LRR1: variants seen among roughly 807,000 people sequenced by gnomAD.
LRR1 encodes leucine-rich repeat protein 1.
In LRR1, 29 loss-of-function variants were observed where a neutral mutation model predicts 31.6. The ratio of observed to expected loss-of-function variants is 0.92; its 90% CI spans 0.68 to 1.25. LRR1 has a LOEUF of 1.25. Ranked by LOEUF, LRR1 falls within the 50% of genes most tolerant of loss-of-function variation. LRR1 has a pLI of 0.00. For missense variants in LRR1, 485 were observed against 487.2 expected, an observed-to-expected ratio of 1.00 and a Z score of 0.04; for synonymous variants, 179 against 181.4, an observed-to-expected ratio of 0.99 and a Z score of 0.10.
intron 3 of LRR1, among the ~76,000 whole-genome samples, chr14:49,609,744 C>T (rs749562261): frequency 6.6e-6 from 1 of 151,228 alleles, no homozygotes; most frequent in Non-Finnish European, 1.5e-5. Context: ...CTTGTTCTGT[C>T]GCCCAGGTTG....
chr14:49,608,522 A>C (rs1185824417), intron 3 of LRR1, among the ~76,000 whole-genome samples: 4 of 146,900 alleles, frequency 2.7e-5, no homozygotes, highest in Non-Finnish European at 5.9e-5. Context: ...TCCCCACTAG[A>C]ATGTAAGATC....
At chr14:49,609,139 G>A (rs541650581) in intron 3 of LRR1, among the ~76,000 whole-genome samples, 1 of 148,028 alleles carries the variant, frequency 6.8e-6, no homozygotes, top group African/African-American at 2.5e-5. Flanking sequence ...GGATGGTCTC[G>A]ATCTCCTGAC....
intron 3 of LRR1, among the ~76,000 whole-genome samples, chr14:49,608,936 TCTCA>T (rs913656419): frequency 7.7e-6 from 1 of 130,544 alleles, no homozygotes; most frequent in African/African-American, 2.9e-5. Flanking sequence ...TGAGATGGAG[TCTCA>T]CTCTGTCGCC....
At chr14:49,613,064 G>C (rs917187016) in intron 3 of LRR1, among the ~76,000 whole-genome samples, 1 of 152,144 alleles carries the variant, frequency 6.6e-6, no homozygotes, top group African/African-American at 2.4e-5. Context: ...GCCAGGCCAG[G>C]CGTGGTGGCT....
intron 2 of LRR1, 43 bp from the exon 3 acceptor site, chr14:49,607,357 A>C (rs756958465): frequency 6.7e-7 from 1 of 1,500,634 alleles, no homozygotes; most frequent in South Asian, 1.4e-5. Context: ...TGTATGTATT[A>C]TCTCCAGTGG....
chr14:49,613,292 T>C (rs1172351830), intron 3 of LRR1, among the ~76,000 whole-genome samples: 1 of 150,640 alleles, frequency 6.6e-6, no homozygotes, highest in East Asian at 2.0e-4. Flanking sequence ...TGAGCCGAGA[T>C]TGTGCCACTG....
At chr14:49,602,004 G>A (rs768471105) in intron 1 of LRR1, among the ~76,000 whole-genome samples, 3 of 151,808 alleles carry the variant, frequency 2.0e-5, no homozygotes, top group Non-Finnish European at 4.4e-5. Context: ...ATGGTGGCAC[G>A]CACCTGTAAT....
chr14:49,602,961 G>A (rs571733933), intron 2 of LRR1, among the ~76,000 whole-genome samples: 7 of 151,180 alleles, frequency 4.6e-5, no homozygotes, highest in South Asian at 4.2e-4. Flanking sequence ...TCAGCCTCCC[G>A]AGTAGCTGGG....
chr14:49,609,624 G>A (rs1882438169), intron 3 of LRR1, among the ~76,000 whole-genome samples: 1 of 151,776 alleles, frequency 6.6e-6, no homozygotes, highest in Non-Finnish European at 1.5e-5. Context: ...GTCCAGGCTG[G>A]TCTTGAACTC....
chr14:49,610,724 G>A (rs1159535879), intron 3 of LRR1, among the ~76,000 whole-genome samples: 4 of 149,950 alleles, frequency 2.7e-5, no homozygotes, highest in African/African-American at 4.9e-5. Context: ...GACCATGGCC[G>A]GCTAAATTTT....
chr14:49,599,237 G>T, intron 1 of LRR1, 34 bp downstream of exon 1: 1 of 1,546,526 alleles, frequency 6.5e-7, no homozygotes, highest in Non-Finnish European at 8.8e-7. Flanking sequence ...TCAGTCTCGC[G>T]TTCTTCTTGG....
intron 3 of LRR1, among the ~76,000 whole-genome samples, chr14:49,611,413 T>C (rs1882506347): frequency 1.3e-5 from 2 of 152,010 alleles, no homozygotes; most frequent in Admixed American, 1.3e-4. Context: ...AGGCAGAGGT[T>C]GCAGTGAGCC....
chr14:49,599,655 G>GTCTCCCCC (rs1881960979), intron 1 of LRR1, among the ~76,000 whole-genome samples: 1 of 151,748 alleles, frequency 6.6e-6, no homozygotes, highest in Admixed American at 6.6e-5. Flanking sequence ...CACAGTTGCC[G>GTCTCCCCC]TCTCCCCCGG....
At chr14:49,599,805 G>T (rs1011465369) in intron 1 of LRR1, among the ~76,000 whole-genome samples, 1 of 146,408 alleles carries the variant, frequency 6.8e-6, no homozygotes, top group Non-Finnish European at 1.5e-5. Flanking sequence ...CCGCGGCGGC[G>T]GCAGCGCCGC....
chr14:49,611,622 G>T (rs1294952156), intron 3 of LRR1, among the ~76,000 whole-genome samples: 1 of 151,044 alleles, frequency 6.6e-6, no homozygotes, highest in African/African-American at 2.4e-5. Flanking sequence ...ATACATAAAA[G>T]AAATTGTAAG....
intron 2 of LRR1, among the ~76,000 whole-genome samples, chr14:49,602,963 G>C (rs1410047754): frequency 6.6e-6 from 1 of 151,332 alleles, no homozygotes; most frequent in Non-Finnish European, 1.5e-5. Context: ...AGCCTCCCGA[G>C]TAGCTGGGAT....
At chr14:49,606,561 A>G (rs983097132) in intron 2 of LRR1, among the ~76,000 whole-genome samples, 1 of 149,872 alleles carries the variant, frequency 6.7e-6, no homozygotes, top group African/African-American at 2.5e-5. Context: ...CTGGTCTGAA[A>G]CTCCTGACCT....
intron 1 of LRR1, 124 bp downstream of exon 1, chr14:49,599,327 C>T: frequency 8.7e-7 from 1 of 1,143,908 alleles, no homozygotes; most frequent in Non-Finnish European, 1.2e-6. Flanking sequence ...GGTTCCTGAA[C>T]TCCCAGCCTT....
chr14:49,600,420 A>G lies in LRR1; in HGVS notation c.183+1217A>G, dbSNP rs1235701915. 1.9e-4 allele frequency: 310 copies of G among 1,602,872 alleles called. 1 individual carries two copies. In the South Asian group the frequency reaches 2.5e-3, roughly 13 times the overall value. On this transcript the variant is annotated intron_variant, in intron 1 of 3. Transcript: ENST00000298288. ...ACTGAGTGATATGAAAGAAAAACCT[A>G]TATGTGTGGAACAAGGACAGAAACT...
Sources: gnomAD v4.1 joint callset for allele counts (sites outside exome capture counted in the v4.1 genomes callset) on GRCh38, gnomAD v4.1.1 for gene constraint, MANE v1.5 for transcripts, NCBI Gene and HGNC (gene_info 2026-07-23, HGNC 2026-07-21) for gene names.